GALNTL6: variants seen among roughly 807,000 people sequenced by gnomAD.
GALNTL6 encodes polypeptide N-acetylgalactosaminyltransferase like 6.
GALNTL6 carries 46 observed loss-of-function variants against 73.7 expected under a neutral mutation model. The observed-to-expected ratio is 0.62, with a 90% confidence interval of 0.49 to 0.80. The LOEUF (loss-of-function observed/expected upper bound fraction) is 0.80, where lower values mean the gene tolerates loss of function less well. Ranked by LOEUF, GALNTL6 falls within the 30% of genes least tolerant of loss-of-function variation. The pLI is 0.00. For synonymous variants in GALNTL6, 259 were observed against 263.7 expected, an observed-to-expected ratio of 0.98 and a Z score of 0.17; for missense variants, 604 against 755.0, an observed-to-expected ratio of 0.80 and a Z score of 2.34.
At chr4:172,145,142 C>CATT (rs2110747242) in intron 2 of GALNTL6, among the ~76,000 whole-genome samples, 1 of 151,456 alleles carries the variant, frequency 6.6e-6, no homozygotes, top group South Asian at 2.1e-4. Context: ...TTATTATTAT[C>CATT]ATTATTATTA....
chr4:172,596,204 C>T (rs1737848972), intron 5 of GALNTL6, among the ~76,000 whole-genome samples: 1 of 151,308 alleles, frequency 6.6e-6, no homozygotes, highest in African/African-American at 2.4e-5. Flanking sequence ...GCCTGTAATC[C>T]CAGCACTTTG....
chr4:171,887,078 G>T (rs1022105526), intron 2 of GALNTL6, among the ~76,000 whole-genome samples: 1 of 152,158 alleles, frequency 6.6e-6, no homozygotes, highest in Non-Finnish European at 1.5e-5. Context: ...GCATTTCAAA[G>T]TAAAGTTGCC....
intron 5 of GALNTL6, among the ~76,000 whole-genome samples, chr4:172,662,549 AATT>A (rs1731431867): frequency 6.6e-6 from 1 of 152,134 alleles, no homozygotes; most frequent in Non-Finnish European, 1.5e-5. Context: ...ATTCACCTAC[AATT>A]AACATGGGCC....
chr4:173,020,135 A>C (rs1329972038), intron 11 of GALNTL6, among the ~76,000 whole-genome samples: 1 of 152,230 alleles, frequency 6.6e-6, no homozygotes, highest in Non-Finnish European at 1.5e-5. Context: ...GGGCTCATCT[A>C]GTCCATTTTC....
At chr4:172,696,281 TC>T (rs1438283536) in intron 5 of GALNTL6, among the ~76,000 whole-genome samples, 1 of 152,234 alleles carries the variant, frequency 6.6e-6, no homozygotes, top group Non-Finnish European at 1.5e-5. Flanking sequence ...CTTGATTTTT[TC>T]TAGCTGGCAT....
chr4:172,008,681 G>A, intron 2 of GALNTL6, among the ~76,000 whole-genome samples: 1 of 152,086 alleles, frequency 6.6e-6, no homozygotes, highest in African/African-American at 2.4e-5. Context: ...CCAGCCTTCA[G>A]GCACGAATGG....
rs75523059 is a variant in GALNTL6, at chr4:171,893,449, G to A, written c.138+78731G>A. ...TAAAATGAATAATAGTACCAGTGTGGTACCTTCATATGTAAGAAAATATAT... is the reference window on the plus strand; with the variant it reads ...TAAAATGAATAATAGTACCAGTGTGATACCTTCATATGTAAGAAAATATAT... On this transcript the variant is annotated intron_variant, in intron 2 of 12. Coordinates refer to ENST00000506823, the MANE Select transcript of GALNTL6 (RefSeq NM_001034845.3). Among the ~76,000 whole-genome samples, 217 of 152,218 alleles carry A rather than the reference G, an allele frequency of 1.4e-3. 1 individual carries two copies. The highest frequency in any genetic ancestry group is 9.7e-3 in the Admixed American group (148 of 15,282).
chr4:172,086,204 G>C (rs1732026926), intron 2 of GALNTL6, among the ~76,000 whole-genome samples: 1 of 152,048 alleles, frequency 6.6e-6, no homozygotes, highest in South Asian at 2.1e-4. Context: ...CACATTAGCT[G>C]TAATTAAACT....
intron 5 of GALNTL6, among the ~76,000 whole-genome samples, chr4:172,606,667 A>ATATAGTATATATAG: frequency 2.2e-5 from 1 of 44,912 alleles, no homozygotes; most frequent in South Asian, 8.2e-4. Context: ...TATATACTAT[A>ATATAGTATATATAG]TATATATACT....
chr4:172,851,027 C>T (rs920323947), intron 7 of GALNTL6, among the ~76,000 whole-genome samples: 1 of 152,044 alleles, frequency 6.6e-6, no homozygotes, highest in African/African-American at 2.4e-5. Context: ...ATAGGCATGA[C>T]TCATTATTAA....
chr4:171,830,177 T>G (rs1734929031), intron 2 of GALNTL6, among the ~76,000 whole-genome samples: 1 of 152,084 alleles, frequency 6.6e-6, no homozygotes. Flanking sequence ...CCACCAGAGC[T>G]GGAAGAGGCA....
chr4:172,002,426 C>G (rs1440853590), intron 2 of GALNTL6, among the ~76,000 whole-genome samples: 1 of 152,054 alleles, frequency 6.6e-6, no homozygotes, highest in Non-Finnish European at 1.5e-5. Context: ...AAAATCTTCC[C>G]CTGCCTTGAT....
intron 3 of GALNTL6, among the ~76,000 whole-genome samples, chr4:172,290,459 A>G (rs1370755415): frequency 2.6e-5 from 4 of 152,148 alleles, no homozygotes. Flanking sequence ...GCAAGCAGCA[A>G]GTATGAATTG....
chr4:172,867,988 T>C (rs1011154754), intron 7 of GALNTL6, among the ~76,000 whole-genome samples: 2 of 152,198 alleles, frequency 1.3e-5, no homozygotes, highest in Non-Finnish European at 2.9e-5. Context: ...TAGTTGCATA[T>C]TTAGTACCCC....
At chr4:172,695,499 G>C (rs1476518213) in intron 5 of GALNTL6, among the ~76,000 whole-genome samples, 3 of 152,220 alleles carry the variant, frequency 2.0e-5, no homozygotes, top group Non-Finnish European at 4.4e-5. Context: ...CAATAAGTGT[G>C]AGATGCAGCT....
Position 172,317,184 on chromosome 4 carries a change from C to A in GALNTL6, c.386+5432C>A, listed in dbSNP as rs115308322. 6.0e-3 allele frequency among the ~76,000 whole-genome samples: 912 copies of A among 152,276 alleles called. 11 individuals are homozygous for A. Among genetic ancestry groups the A allele is most frequent in the African/African-American group, 0.02 (846 of 41,550 alleles). On this transcript the variant is annotated intron_variant, in intron 4 of 12. Transcript: ENST00000506823. ...TTCTTGATATATACAGACTTTTGAG[C>A]AAACTCTTGATTTTTCAGTGCCTTA...
intron 12 of GALNTL6, among the ~76,000 whole-genome samples, chr4:173,032,091 G>C (rs1444576101): frequency 6.6e-6 from 1 of 152,218 alleles, no homozygotes; most frequent in Non-Finnish European, 1.5e-5. Context: ...CAGTTGAAAT[G>C]CATACGTGCA....
At chr4:171,863,503 T>C (rs1041451670) in intron 2 of GALNTL6, among the ~76,000 whole-genome samples, 2 of 152,214 alleles carry the variant, frequency 1.3e-5, no homozygotes, top group Non-Finnish European at 2.9e-5. Context: ...TCTAGTTTTT[T>C]GCCTTCAGAC....
intron 5 of GALNTL6, among the ~76,000 whole-genome samples, chr4:172,542,862 G>A (rs1007464368): frequency 7.2e-5 from 11 of 152,056 alleles, no homozygotes; most frequent in African/African-American, 2.7e-4. Flanking sequence ...GGAGGCGCAG[G>A]CGGGTGGATC....
Sources: gnomAD v4.1 joint callset for allele counts (sites outside exome capture counted in the v4.1 genomes callset) on GRCh38, gnomAD v4.1.1 for gene constraint, MANE v1.5 for transcripts, NCBI Gene and HGNC (gene_info 2026-07-23, HGNC 2026-07-21) for gene names.